The following SLC19A1 variants were observed in gnomAD, a reference collection of about 807,000 sequenced individuals.
SLC19A1 encodes reduced folate transporter.
SLC19A1 carries 37 observed loss-of-function variants against 35.3 expected under a neutral mutation model. That is an observed-to-expected ratio of 1.05 (90% CI 0.81 to 1.38). The LOEUF is 1.38. SLC19A1 is among the 40% of genes most tolerant of loss of function. The pLI is 0.00. For missense variants in SLC19A1, 831 were observed against 826.9 expected (o/e 1.00, Z -0.06); for synonymous variants, 460 against 398.5 (o/e 1.15, Z -1.84).
chr21:45,525,773 A>G (rs1475408190), intron 5 of SLC19A1, 44 bp downstream of exon 5: 5 of 1,603,922 alleles, frequency 3.1e-6, no homozygotes, highest in Non-Finnish European at 1.7e-6. Flanking sequence ...ATGTCCCCAC[A>G]AGTAGCTTCC....
At chr21:45,510,192 G>C (rs370750158), downstream of SLC19A1, 11 of 1,599,024 alleles carry the variant, frequency 6.9e-6, no homozygotes, top group Admixed American at 1.0e-4. Flanking sequence ...TCCTGTCCTC[G>C]CGCCTGCAGG....
rs8126973 is a variant in SLC19A1, at chr21:45,562,515, C to T, written c.-50+227G>A. On this transcript the variant is annotated intron_variant, in intron 1 of 5. Transcript: ENST00000650808. ...CAAAATGTTTTCAGAGCCTGGTCTC[C>T]GGCAGCGTGGTGCAGTGCTCCCTGA... 7.3e-3 allele frequency among the ~76,000 whole-genome samples: 1,116 copies of T among 152,288 alleles called. 8 individuals are homozygous for T. Among genetic ancestry groups the T allele is most frequent in the African/African-American group, 0.025 (1,036 of 41,552 alleles).
intron 3 of SLC19A1, chr21:45,506,755 CACCTTCCCTCTGGA>C (rs1293724049): frequency 5.5e-3 from 155 of 28,248 alleles, no homozygotes; most frequent in African/African-American, 0.032. Context: ...AGAGCCCTCC[CACCTTCCCTCTGGA>C]ACCCTCCCAC....
At chr21:45,505,234 C>T in intron 3 of SLC19A1, 3 of 1,597,738 alleles carry the variant, frequency 1.9e-6, no homozygotes, top group Non-Finnish European at 2.6e-6. Flanking sequence ...CCCGGCCCCC[C>T]AGGCCCCCCA....
intron 5 of SLC19A1, among the ~76,000 whole-genome samples, chr21:45,519,265 A>C (rs1271553044): frequency 1.3e-5 from 2 of 152,184 alleles, no homozygotes; most frequent in Non-Finnish European, 2.9e-5. Context: ...GCTGCAAAAA[A>C]TGTAAACAGA....
At chr21:45,553,228 G>A (rs998348614) in intron 1 of SLC19A1, among the ~76,000 whole-genome samples, 2 of 151,958 alleles carry the variant, frequency 1.3e-5, no homozygotes, top group South Asian at 2.1e-4. Context: ...TCCAGGCACC[G>A]CGCATCCCTC....
In SLC19A1 at chr21:45,531,766, G is replaced by C; in HGVS notation, c.572C>G (p.Ala191Gly). The change falls in exon 3 of 6, where the codon GCC (alanine) becomes GGC (glycine). Residue 191 changes from alanine (A) to glycine (G), a missense_variant. Transcript: ENST00000311124. ...SFSTLNYISL[A>G]FLTFSVVLAL... Reference sequence around the variant, plus strand: ...GAGGACCACGCTGAAGGTGAGGAAGGCCAGCGAGATGTAGTTGAGCGTGGA... The same window carrying C: ...GAGGACCACGCTGAAGGTGAGGAAGCCCAGCGAGATGTAGTTGAGCGTGGA... 1 of 1,609,622 alleles carries C rather than the reference G, an allele frequency of 6.2e-7. No homozygotes were observed. The highest frequency in any genetic ancestry group is 8.5e-7 in the Non-Finnish European group (1 of 1,178,150).
At chr21:45,512,317 C>T, downstream of SLC19A1, 1 of 1,612,586 alleles carries the variant, frequency 6.2e-7, no homozygotes, top group Non-Finnish European at 8.5e-7. Flanking sequence ...GGGGCAGGCT[C>T]CTGGGGCAGA....
Position 45,525,961 on chromosome 21 carries a change from GAAC to G in SLC19A1, c.1152-6_1152-4del. The G allele has an allele frequency of 6.2e-7, 1 of 1,612,840 alleles. No homozygotes were observed. Among genetic ancestry groups the G allele is most frequent in the South Asian group, 1.1e-5 (1 of 91,078 alleles). ...ACAGAGAAGATGCAATCTGAAAGCT[GAAC>G]GGGAAGAGCGGGCAGATCAGGCGCT... On this transcript the variant is annotated splice_region_variant and splice_polypyrimidine_tract_variant and intron_variant, in intron 4 of 5. Coordinates refer to ENST00000311124, the MANE Select transcript of SLC19A1 (RefSeq NM_194255.4).
At chr21:45,544,887 C>T (rs374023292), upstream of SLC19A1, among the ~76,000 whole-genome samples, 1 of 152,184 alleles carries the variant, frequency 6.6e-6, no homozygotes, top group Admixed American at 6.5e-5. Context: ...GAATGAGGAC[C>T]CTGCCCACCC....
downstream of SLC19A1, chr21:45,512,424 A>G: frequency 6.2e-7 from 1 of 1,606,448 alleles, no homozygotes; most frequent in Non-Finnish European, 8.5e-7. Context: ...GGATGGCCGG[A>G]GAGGACCGGC....
downstream of SLC19A1, among the ~76,000 whole-genome samples, chr21:45,507,786 C>T (rs1197862482): frequency 6.6e-6 from 1 of 152,202 alleles, no homozygotes; most frequent in African/African-American, 2.4e-5. Flanking sequence ...CCCCCCAGTA[C>T]CTCCGTCTCA....
chr21:45,537,621 ACCCAGCG>A (rs2078163730), intron 2 of SLC19A1, 143 bp downstream of exon 2: 1 of 205,666 alleles, frequency 4.9e-6, no homozygotes. Flanking sequence ...CCGCCCTGGC[ACCCAGCG>A]CCCACGTGCC....
exon 1 of SLC19A1, among the ~76,000 whole-genome samples, chr21:45,563,010 G>A (rs1414662439): frequency 6.6e-6 from 1 of 152,232 alleles, no homozygotes. Context: ...CCATCAGAAA[G>A]AGAAGCAGAA....
At chr21:45,562,200 G>A (rs990180937) in intron 1 of SLC19A1, among the ~76,000 whole-genome samples, 1 of 150,052 alleles carries the variant, frequency 6.7e-6, no homozygotes, top group Non-Finnish European at 1.5e-5. Context: ...TTAATCTTAA[G>A]ACAGTTATCA....
In SLC19A1 at chr21:45,503,733, A is replaced by G. The variant is rs987839686; in HGVS notation, c.498-5121T>C. ...GCACACCAGCATGGCACATGTATAC[A>G]TATGTAACTAACCTGCACATCATGC... On this transcript the variant is annotated intron_variant, in intron 3 of 4. Transcript: ENST00000417954. 1.2e-4 allele frequency among the ~76,000 whole-genome samples: 18 copies of G among 152,118 alleles called. 1 individual carries two copies. Among genetic ancestry groups the G allele is most frequent in the South Asian group, 2.1e-4 (1 of 4,800 alleles).
At position 45,512,575 on chromosome 21, in the gene SLC19A1, T is replaced by TAA; in HGVS notation, c.*3081_*3082dup. 1 of 658,896 alleles carries TAA rather than the reference T, an allele frequency of 1.5e-6. No individual in the cohort carries two copies. Among genetic ancestry groups the TAA allele is most frequent in the Admixed American group, 2.8e-5 (1 of 35,712 alleles). 40.8% of individuals were successfully genotyped at this position (658,896 alleles called of 1,614,324 possible). ...AAGGAAGCCAAAGAGTGTATTTTTT[T>TAA]AAAAGTTTAAAACAGAAGCCTGATG... is the stretch of plus-strand genomic sequence containing the variant. On this transcript the variant is annotated 3_prime_UTR_variant, in exon 6 of 6. Transcript: ENST00000311124.
At chr21:45,525,762 A>G in intron 5 of SLC19A1, 55 bp downstream of exon 5, 1 of 1,593,926 alleles carries the variant, frequency 6.3e-7, no homozygotes. Context: ...AGGCCTCAAC[A>G]ATGTCCCCAC....
chr21:45,555,167 GGCGCAGGGGGCGGTGCAGGGGGCGGC>G, intron 1 of SLC19A1, among the ~76,000 whole-genome samples: 1 of 94,916 alleles, frequency 1.1e-5, no homozygotes, highest in East Asian at 3.4e-4. Context: ...CGGCGGGGGC[GGCGCAGGGGGCGGTGCAGGGGGCGGC>G]GGGGGCGGCG....
Sources: gnomAD v4.1 joint callset for allele counts (sites outside exome capture counted in the v4.1 genomes callset) on GRCh38, gnomAD v4.1.1 for gene constraint, MANE v1.5 for transcripts, NCBI Gene and HGNC (gene_info 2026-07-23, HGNC 2026-07-21) for gene names.